Variants in FBRSL1 observed in about 807,000 individuals in gnomAD.
FBRSL1 encodes fibrosin like 1, also known as fibrosin-1-like protein.
A neutral mutation model predicts 89.6 loss-of-function variants in FBRSL1; 51 were observed. The ratio of observed to expected loss-of-function variants is 0.57; its 90% CI spans 0.45 to 0.72. The LOEUF is 0.72. FBRSL1 is among the 30% of genes least tolerant of loss of function. The pLI, the probability that FBRSL1 is intolerant of heterozygous loss-of-function variation, is 0.00. For synonymous variants in FBRSL1, 779 were observed against 681.1 expected (o/e 1.14, Z -2.24); for missense variants, 1,618 against 1,451.8 (o/e 1.11, Z -1.86).
At chr12:132,537,545 A>T (rs1050345117) in intron 4 of FBRSL1, among the ~76,000 whole-genome samples, 8 of 152,184 alleles carry the variant, frequency 5.3e-5, no homozygotes, top group African/African-American at 1.7e-4. Flanking sequence ...GTGCATTTTA[A>T]AGCATTTAGA....
intron 4 of FBRSL1, among the ~76,000 whole-genome samples, chr12:132,536,464 CAG>C (rs1416726184): frequency 2.1e-5 from 3 of 144,734 alleles, no homozygotes; most frequent in East Asian, 4.2e-4. Flanking sequence ...GTGTATATGA[CAG>C]TGTGTGAATG....
chr12:132,505,138 A>T (rs1566106799), intron 1 of FBRSL1, among the ~76,000 whole-genome samples: 1 of 152,178 alleles, frequency 6.6e-6, no homozygotes, highest in African/African-American at 2.4e-5. Flanking sequence ...AAACAAAAAG[A>T]TAAGCGGGGC....
At chr12:132,573,903 G>A (rs2040211256) in intron 11 of FBRSL1, among the ~76,000 whole-genome samples, 187 bp from the exon 12 acceptor site, 1 of 152,184 alleles carries the variant, frequency 6.6e-6, no homozygotes, top group African/African-American at 2.4e-5. Context: ...TCCCACCTTT[G>A]CAGAAACTGG....
chr12:132,582,958 C>T lies in FBRSL1; in HGVS notation c.2202-13C>T, dbSNP rs1370301780. ...AGGTCTCGGGAGTGACGGGTCCGCC[C>T]TGCCGCCCCCAGGGACCTCCTGGAG... On this transcript the variant is annotated splice_polypyrimidine_tract_variant and intron_variant, in intron 18 of 18. Coordinates refer to ENST00000680143, the MANE Select transcript of FBRSL1 (RefSeq NM_001367871.1). The T allele has an allele frequency of 3.6e-6, 5 of 1,404,254 alleles. No individual in the cohort carries two copies. Among genetic ancestry groups the T allele is most frequent in the Non-Finnish European group, 4.6e-6 (5 of 1,088,846 alleles). The allele number at this position is 1,404,254 out of a possible 1,614,324, so 87.0% of individuals were successfully genotyped here. A position where few individuals can be genotyped will look rare whatever the true frequency, so the allele number is the denominator to read the frequency against.
chr12:132,507,141 C>T (rs2033786449), intron 1 of FBRSL1: 1 of 964,420 alleles, frequency 1.0e-6, no homozygotes, highest in Non-Finnish European at 1.2e-6. Context: ...TCCTCGGGGA[C>T]ACTGTGGCCC....
At chr12:132,534,653 C>G (rs771137270) in intron 4 of FBRSL1, among the ~76,000 whole-genome samples, 1 of 152,256 alleles carries the variant, frequency 6.6e-6, no homozygotes, top group Non-Finnish European at 1.5e-5. Flanking sequence ...CCATGCTGCA[C>G]TGTGCTCACT....
rs1215927377 is a variant in FBRSL1 at position 132,574,553 on chromosome 12, C to G, written c.1690C>G (p.Gln564Glu). Residue 564 changes from glutamine (Q) to glutamate (E), a missense_variant, in exon 14 of 19, where the codon CAG becomes GAG. Gln to Glu is a conservative substitution (Grantham distance 29). Transcript: ENST00000680143. Reference protein sequence around the residue: ...QIAWQIYRHQQKIKEMQLDPH... With the variant: ...QIAWQIYRHQEKIKEMQLDPH... ...CGCCTGGCAGATCTACCGTCACCAG[C>G]AGAAGATAAAGGTGAGACCACCTGG... 12 of 1,549,762 alleles carry G rather than the reference C, an allele frequency of 7.7e-6. No individual in the cohort carries two copies. The highest frequency in any genetic ancestry group is 1.0e-5 in the Non-Finnish European group (12 of 1,146,794).
intron 2 of FBRSL1, among the ~76,000 whole-genome samples, chr12:132,518,693 C>T (rs530258063): frequency 6.6e-6 from 1 of 151,088 alleles, no homozygotes; most frequent in East Asian, 2.0e-4. Flanking sequence ...CTTCCATCCA[C>T]CCATCTGTCC....
At chr12:132,552,479 G>A (rs150923618) in intron 5 of FBRSL1, 5 of 153,832 alleles carry the variant, frequency 3.3e-5, no homozygotes, top group African/African-American at 5.0e-5. Flanking sequence ...CACTCACCCC[G>A]CAGGATGGAC....
intron 4 of FBRSL1, among the ~76,000 whole-genome samples, chr12:132,532,727 GA>G (rs1365937750): frequency 5.3e-5 from 8 of 152,218 alleles, no homozygotes; most frequent in East Asian, 3.9e-4. Flanking sequence ...AGGAGGGTGG[GA>G]GGGGGGGCCA....
intron 4 of FBRSL1, among the ~76,000 whole-genome samples, chr12:132,544,808 C>T (rs373577346): frequency 3.2e-4 from 47 of 148,178 alleles, no homozygotes; most frequent in African/African-American, 1.1e-3. Flanking sequence ...GTGGCAATGG[C>T]GAGGATGATG....
At chr12:132,534,574 C>T (rs755515437) in intron 4 of FBRSL1, among the ~76,000 whole-genome samples, 19 of 152,394 alleles carry the variant, frequency 1.2e-4, no homozygotes, top group African/African-American at 2.9e-4. Flanking sequence ...CTTCCCGCAG[C>T]GGGCACGCGC....
intron 5 of FBRSL1, among the ~76,000 whole-genome samples, chr12:132,556,000 T>C (rs2038603789): frequency 6.6e-6 from 1 of 152,200 alleles, no homozygotes. Context: ...CCCCAGCCCC[T>C]GGGGTCCTCT....
At chr12:132,571,431 C>G (rs1391189010) in intron 9 of FBRSL1, 200 bp downstream of exon 9, 1 of 1,550,796 alleles carries the variant, frequency 6.4e-7, no homozygotes, top group Non-Finnish European at 8.7e-7. Context: ...AGCACACACA[C>G]CAGCACACGC....
At chr12:132,520,521 C>T (rs1027726530) in intron 2 of FBRSL1, among the ~76,000 whole-genome samples, 3 of 152,226 alleles carry the variant, frequency 2.0e-5, no homozygotes, top group Admixed American at 2.0e-4. Context: ...GTGGGGACAA[C>T]AGTCCACAAA....
chr12:132,533,078 ACG>A (rs2036425183), intron 4 of FBRSL1, among the ~76,000 whole-genome samples: 1 of 151,190 alleles, frequency 6.6e-6, no homozygotes. Context: ...TCAGAGAGCC[ACG>A]GTCTCCTCCC....
At chr12:132,497,966 G>T (rs1333871819) in intron 1 of FBRSL1, among the ~76,000 whole-genome samples, 2 of 152,158 alleles carry the variant, frequency 1.3e-5, no homozygotes. Context: ...GGAGTGTATG[G>T]CATCTGAAGT....
At chr12:132,516,474 C>T (rs937591513) in intron 2 of FBRSL1, among the ~76,000 whole-genome samples, 4 of 152,218 alleles carry the variant, frequency 2.6e-5, no homozygotes, top group Non-Finnish European at 5.9e-5. Flanking sequence ...TGAACCACCA[C>T]GCCCGGCTTA....
chr12:132,540,963 G>A (rs60990516), intron 4 of FBRSL1, among the ~76,000 whole-genome samples: 4,088 of 152,278 alleles, frequency 0.027, 177 homozygotes, highest in African/African-American at 0.093. Flanking sequence ...TGTGACACTG[G>A]GGGTACAGCC....
Sources: allele counts gnomAD v4.1 joint callset (sites outside exome capture counted in the v4.1 genomes callset), GRCh38; gene constraint gnomAD v4.1.1; transcripts MANE v1.5; gene names NCBI Gene and HGNC (gene_info 2026-07-23, HGNC 2026-07-21).